INO80D: variants seen among roughly 807,000 people sequenced by gnomAD.
INO80D encodes the protein INO80 complex subunit D.
Under a neutral mutation model 87.6 loss-of-function variants are expected in INO80D, and 21 were observed. The observed-to-expected ratio is 0.24, with a 90% CI of 0.17 to 0.35. The LOEUF is 0.35. Among genes scored for constraint, INO80D ranks in the 10% least tolerant of loss-of-function variants. The probability of loss-of-function intolerance (pLI) is 1.00; values close to 1 mark genes in which losing one functional copy is unlikely to be tolerated. For missense variants in INO80D, 982 were observed against 1,280.7 expected (o/e 0.77, Z 3.56); for synonymous variants, 440 against 491.0 (o/e 0.90, Z 1.37).
intron 4 of INO80D, among the ~76,000 whole-genome samples, chr2:206,047,441 T>C (rs907243507): frequency 6.6e-6 from 1 of 150,682 alleles, no homozygotes; most frequent in Non-Finnish European, 1.5e-5. Flanking sequence ...CTGGTCTCAA[T>C]CTCCTGACCT....
At chr2:206,076,980 A>C (rs1195156759) in intron 1 of INO80D, among the ~76,000 whole-genome samples, 8 of 152,214 alleles carry the variant, frequency 5.3e-5, no homozygotes, top group Non-Finnish European at 1.2e-4. Context: ...CTTAATATTA[A>C]CTACCATTAG....
intron 4 of INO80D, 89 bp downstream of exon 4, chr2:206,056,109 T>G: frequency 1.1e-5 from 14 of 1,235,678 alleles, no homozygotes; most frequent in Admixed American, 2.3e-5. Context: ...CCCCATCACA[T>G]ATGGGGTAAT....
chr2:205,997,335 G>C lies in INO80D; in HGVS notation c.*7033C>G, dbSNP rs1465576529. 1 of 151,698 alleles carries C rather than the reference G, an allele frequency of 6.6e-6. No homozygotes were observed. The highest frequency in any genetic ancestry group is 2.4e-5 in the African/African-American group (1 of 41,308). The allele number at this position is 151,698 out of a possible 1,614,324, so 9.4% of individuals were successfully genotyped here. On this transcript the variant is annotated 3_prime_UTR_variant, in exon 11 of 11. Transcript: ENST00000403263. Reference sequence around the variant, plus strand: ...ACTCTTAAGTTAATAAATAACAGCAGAACTGAGTAAAAGTTTTTTGAAAAA... The same window carrying C: ...ACTCTTAAGTTAATAAATAACAGCACAACTGAGTAAAAGTTTTTTGAAAAA...
chr2:206,020,423 G>C (rs949276731), intron 6 of INO80D, among the ~76,000 whole-genome samples: 1 of 152,058 alleles, frequency 6.6e-6, no homozygotes, highest in Non-Finnish European at 1.5e-5. Flanking sequence ...GCCACCATTA[G>C]GAATTGATTG....
At chr2:206,014,982 A>G (rs113131447) in intron 8 of INO80D, among the ~76,000 whole-genome samples, 7 of 152,322 alleles carry the variant, frequency 4.6e-5, no homozygotes, top group African/African-American at 1.7e-4. Flanking sequence ...ATGTTTTAGC[A>G]AAGAGACTGG....
chr2:206,069,610 T>C (rs1034307039), intron 1 of INO80D, among the ~76,000 whole-genome samples: 2 of 152,188 alleles, frequency 1.3e-5, no homozygotes, highest in African/African-American at 2.4e-5. Flanking sequence ...ACCTATACTT[T>C]CAAGTTGTTC....
chr2:206,040,394 C>T (rs1449045643), intron 5 of INO80D: 1 of 165,126 alleles, frequency 6.1e-6, no homozygotes, highest in Non-Finnish European at 1.3e-5. Context: ...AATAGCCTTC[C>T]TTCCTTTTTG....
intron 4 of INO80D, among the ~76,000 whole-genome samples, chr2:206,052,381 G>C (rs1387104248): frequency 2.6e-5 from 4 of 152,076 alleles, no homozygotes; most frequent in Admixed American, 6.6e-5. Flanking sequence ...TTTTAGTAGA[G>C]ACGGGGTTTC....
At chr2:206,069,976 T>C (rs1021967910) in intron 1 of INO80D, among the ~76,000 whole-genome samples, 2 of 152,172 alleles carry the variant, frequency 1.3e-5, no homozygotes, top group African/African-American at 4.8e-5. Flanking sequence ...GATTTTTCTA[T>C]TTGAAAACAT....
intron 8 of INO80D, among the ~76,000 whole-genome samples, chr2:206,015,024 G>A (rs190483139): frequency 1.3e-5 from 2 of 152,322 alleles, no homozygotes; most frequent in African/African-American, 4.8e-5. Context: ...AAGACTTATG[G>A]AACTTTGAAC....
At chr2:206,047,329 A>C (rs969754764) in intron 4 of INO80D, among the ~76,000 whole-genome samples, 9 of 151,704 alleles carry the variant, frequency 5.9e-5, no homozygotes, top group African/African-American at 1.9e-4. Flanking sequence ...AGTGATTCTC[A>C]TGCCTCAGCC....
At chr2:206,080,916 A>AG (rs1411639730) in intron 1 of INO80D, among the ~76,000 whole-genome samples, 1 of 150,412 alleles carries the variant, frequency 6.6e-6, no homozygotes, top group East Asian at 1.9e-4. Flanking sequence ...AAAAAAAAAA[A>AG]AAAAAAAAAA....
chr2:206,070,487 G>A (rs1311157088), intron 1 of INO80D, among the ~76,000 whole-genome samples: 7 of 151,874 alleles, frequency 4.6e-5, no homozygotes, highest in African/African-American at 7.3e-5. Context: ...TTGGGAGGCC[G>A]AGGTGGGCGG....
At chr2:206,076,947 G>A (rs911003946) in intron 1 of INO80D, among the ~76,000 whole-genome samples, 2 of 152,160 alleles carry the variant, frequency 1.3e-5, no homozygotes, top group African/African-American at 4.8e-5. Flanking sequence ...TTCATGAACT[G>A]TAACCCCAGC....
At chr2:206,024,950 T>A (rs1323748964) in intron 6 of INO80D, among the ~76,000 whole-genome samples, 1 of 151,944 alleles carries the variant, frequency 6.6e-6, no homozygotes, top group Admixed American at 6.6e-5. Flanking sequence ...GAGACAAGGC[T>A]TCACTATGTT....
chr2:206,010,735 A>G (rs777023630), intron 8 of INO80D, among the ~76,000 whole-genome samples: 12 of 152,182 alleles, frequency 7.9e-5, no homozygotes, highest in Non-Finnish European at 1.6e-4. Flanking sequence ...GAATGTAAAC[A>G]ATTACAGATT....
rs1687768706 is a variant in INO80D, at chr2:205,994,334, A to ATTC, written c.*10033_*10034insGAA. On this transcript the variant is annotated 3_prime_UTR_variant, in exon 11 of 11. Transcript: ENST00000403263. ...TAAACATACTTGGGTGCCAAGGTGA[A>ATTC]TGAGAACACTGAAAAAGAAGGGCTT... is the stretch of plus-strand genomic sequence containing the variant. The ATTC allele has an allele frequency of 6.6e-6, 1 of 152,194 alleles. No individual in the cohort carries two copies. The highest frequency in any genetic ancestry group is 1.5e-5 in the Non-Finnish European group (1 of 68,028). 9.4% of individuals were successfully genotyped at this position (152,194 alleles called of 1,614,324 possible).
chr2:206,058,418 C>CA (rs59790218), intron 3 of INO80D, among the ~76,000 whole-genome samples: 9,331 of 123,412 alleles, frequency 0.076, 425 homozygotes, highest in African/African-American at 0.14. Flanking sequence ...GACTCTGTCT[C>CA]AAAAAAAAAA....
chr2:206,078,934 T>C (rs1306003244), intron 1 of INO80D, among the ~76,000 whole-genome samples: 1 of 152,050 alleles, frequency 6.6e-6, no homozygotes, highest in Non-Finnish European at 1.5e-5. Context: ...GAGTGAGACT[T>C]TGTCTCAAAA....
Sources: allele counts gnomAD v4.1 joint callset (sites outside exome capture counted in the v4.1 genomes callset), GRCh38; gene constraint gnomAD v4.1.1; transcripts MANE v1.5; gene names NCBI Gene and HGNC (gene_info 2026-07-23, HGNC 2026-07-21).